Variants in PRKG1 observed in about 807,000 individuals in gnomAD.
PRKG1 encodes the protein cGMP-dependent protein kinase 1.
Under a neutral mutation model 88.1 loss-of-function variants are expected in PRKG1, and 35 were observed. That is an observed-to-expected ratio of 0.40 (90% CI 0.30 to 0.53). The LOEUF is 0.53. Ranked by LOEUF, PRKG1 falls within the 20% of genes least tolerant of loss-of-function variation. PRKG1 has a pLI of 0.59. For missense variants in PRKG1, 540 were observed against 839.8 expected (o/e 0.64, Z 4.41); for synonymous variants, 303 against 292.5 (o/e 1.04, Z -0.37).
intron 2 of PRKG1, among the ~76,000 whole-genome samples, chr10:51,238,775 A>C (rs1839070719): frequency 1.3e-5 from 2 of 151,936 alleles, no homozygotes; most frequent in East Asian, 3.9e-4. Flanking sequence ...AAAAAAAAAA[A>C]AGTATTTTTC....
chr10:51,235,051 C>T (rs904356276), intron 2 of PRKG1, among the ~76,000 whole-genome samples: 9 of 152,114 alleles, frequency 5.9e-5, no homozygotes, highest in African/African-American at 1.2e-4. Flanking sequence ...CAGTACTTTC[C>T]GTAATACCTA....
At chr10:51,501,913 A>C (rs1841039000) in intron 3 of PRKG1, among the ~76,000 whole-genome samples, 1 of 151,378 alleles carries the variant, frequency 6.6e-6, no homozygotes, top group Non-Finnish European at 1.5e-5. Flanking sequence ...TCGTGATAAG[A>C]AGGTATCTGT....
At chr10:51,084,130 T>C (rs1200445535) in intron 1 of PRKG1, among the ~76,000 whole-genome samples, 2 of 152,104 alleles carry the variant, frequency 1.3e-5, no homozygotes, top group Non-Finnish European at 2.9e-5. Context: ...ACCCGGAGGA[T>C]TGGGGACATT....
intron 2 of PRKG1, among the ~76,000 whole-genome samples, chr10:51,263,479 A>G (rs1456155119): frequency 3.9e-5 from 6 of 152,096 alleles, no homozygotes; most frequent in Non-Finnish European, 5.9e-5. Flanking sequence ...GCTCTAATTA[A>G]CCCATTCATA....
intron 2 of PRKG1, among the ~76,000 whole-genome samples, chr10:51,194,422 T>C (rs1338954760): frequency 2.0e-5 from 3 of 152,054 alleles, no homozygotes; most frequent in African/African-American, 7.2e-5. Flanking sequence ...CAGTGTGTGA[T>C]GTTCTGCTAC....
chr10:51,008,594 G>C (rs887099475), intron 1 of PRKG1, among the ~76,000 whole-genome samples: 7 of 152,078 alleles, frequency 4.6e-5, no homozygotes, highest in Admixed American at 1.3e-4. Flanking sequence ...GTGAGTATGT[G>C]TGTCTAAATT....
chr10:51,279,681 C>T (rs914323170), intron 2 of PRKG1, among the ~76,000 whole-genome samples: 7 of 152,144 alleles, frequency 4.6e-5, no homozygotes, highest in African/African-American at 1.4e-4. Context: ...TCTGTTTTAT[C>T]AGAGACTAGG....
intron 3 of PRKG1, among the ~76,000 whole-genome samples, chr10:51,658,687 A>C (rs1178416672): frequency 6.6e-6 from 1 of 152,146 alleles, no homozygotes; most frequent in Non-Finnish European, 1.5e-5. Context: ...AATTGACCCC[A>C]AAACTGGCTA....
chr10:51,429,937 G>A (rs1838709355), intron 2 of PRKG1, among the ~76,000 whole-genome samples: 1 of 151,600 alleles, frequency 6.6e-6, no homozygotes, highest in South Asian at 2.1e-4. Context: ...AGAAAGAAAA[G>A]GGGTAAGAAA....
intron 2 of PRKG1, among the ~76,000 whole-genome samples, chr10:51,346,735 T>C (rs1842121611): frequency 6.6e-6 from 1 of 152,258 alleles, no homozygotes; most frequent in Non-Finnish European, 1.5e-5. Context: ...GAATTTGACA[T>C]CTGCAAAGCA....
intron 3 of PRKG1, among the ~76,000 whole-genome samples, chr10:51,544,554 C>A (rs993813489): frequency 3.3e-5 from 5 of 151,966 alleles, no homozygotes; most frequent in African/African-American, 1.2e-4. Context: ...GATTTATAAT[C>A]CTTTGGGTAT....
intron 3 of PRKG1, among the ~76,000 whole-genome samples, chr10:51,490,429 A>G (rs1840675246): frequency 6.6e-6 from 1 of 152,142 alleles, no homozygotes; most frequent in Admixed American, 6.6e-5. Context: ...GATTAGGATG[A>G]TGATGAAACA....
chr10:52,248,903 CTCTTTTCTTTCCTT>C (rs1157916693), intron 9 of PRKG1, among the ~76,000 whole-genome samples: 2 of 149,400 alleles, frequency 1.3e-5, no homozygotes, highest in Non-Finnish European at 3.0e-5. Flanking sequence ...CCTTTCCTTT[CTCTTTTCTTTCCTT>C]TCTTTTCTTT....
intron 2 of PRKG1, among the ~76,000 whole-genome samples, chr10:51,240,048 C>T (rs754293467): frequency 6.6e-6 from 1 of 152,192 alleles, no homozygotes; most frequent in Non-Finnish European, 1.5e-5. Context: ...GCTTTCTCAT[C>T]TGAGCAGGTA....
chr10:51,536,139 G>A (rs1842145679), intron 3 of PRKG1, among the ~76,000 whole-genome samples: 1 of 152,110 alleles, frequency 6.6e-6, no homozygotes, highest in South Asian at 2.1e-4. Context: ...TGTTTTGTGT[G>A]GAAAGAATCA....
At chr10:51,965,851 T>C (rs532101997) in intron 5 of PRKG1, among the ~76,000 whole-genome samples, 244 of 152,194 alleles carry the variant, frequency 1.6e-3, no homozygotes, top group Non-Finnish European at 2.5e-3. Context: ...GAGAGAAGAG[T>C]TAGTTGCGAA....
At chr10:51,217,926 A>G (rs899108075) in intron 2 of PRKG1, among the ~76,000 whole-genome samples, 1 of 152,094 alleles carries the variant, frequency 6.6e-6, no homozygotes, top group Non-Finnish European at 1.5e-5. Flanking sequence ...CCTTTCTTTC[A>G]GTTCCCTCCT....
At chr10:52,197,228 C>T (rs1244770784) in intron 9 of PRKG1, among the ~76,000 whole-genome samples, 2 of 152,062 alleles carry the variant, frequency 1.3e-5, no homozygotes, top group Non-Finnish European at 2.9e-5. Flanking sequence ...ATGAGATAAT[C>T]TCTAAAGATG....
At chr10:51,810,297 C>T (rs1839421568) in intron 4 of PRKG1, among the ~76,000 whole-genome samples, 1 of 152,150 alleles carries the variant, frequency 6.6e-6, no homozygotes, top group African/African-American at 2.4e-5. Context: ...TTTAAAAGTA[C>T]TGATCATATG....
Sources: gnomAD v4.1 joint callset for allele counts (sites outside exome capture counted in the v4.1 genomes callset) on GRCh38, gnomAD v4.1.1 for gene constraint, MANE v1.5 for transcripts, NCBI Gene and HGNC (gene_info 2026-07-23, HGNC 2026-07-21) for gene names.